The following PRH1 variants were observed in gnomAD, a reference collection of about 807,000 sequenced individuals.
The protein encoded by PRH1 is salivary acidic proline-rich phosphoprotein 1/2.
In PRH1, 7 loss-of-function variants were observed where a neutral mutation model predicts 7.9. The observed-to-expected ratio is 0.89, with a 90% CI of 0.50 to 1.67. The LOEUF is 1.67. Among genes scored for constraint, PRH1 ranks in the 40% most tolerant of loss-of-function variants. PRH1 has a pLI of 0.00. For synonymous variants in PRH1, 45 were observed against 80.8 expected (o/e 0.56, Z 2.38); for missense variants, 109 against 223.6 (o/e 0.49, Z 3.27).
intron 1 of PRH1, chr12:11,134,712 G>C (rs1468720938): frequency 6.3e-6 from 1 of 159,402 alleles, no homozygotes; most frequent in African/African-American, 2.4e-5. Flanking sequence ...AATCTTAAAG[G>C]GAGCTTGATC....
chr12:11,040,689 C>T (rs760427113), intron 1 of PRH1, among the ~76,000 whole-genome samples: 4 of 152,042 alleles, frequency 2.6e-5, no homozygotes, highest in African/African-American at 4.8e-5. Flanking sequence ...TGCACATGTA[C>T]CCCAGAACTT....
chr12:10,886,261 A>G (rs1378142287), upstream of PRH1, among the ~76,000 whole-genome samples: 1 of 152,196 alleles, frequency 6.6e-6, no homozygotes, highest in Non-Finnish European at 1.5e-5. Context: ...TCATGTCAAA[A>G]AGGAAGGTCA....
intron 1 of PRH1, among the ~76,000 whole-genome samples, chr12:11,011,730 C>G (rs2136043313): frequency 6.6e-6 from 1 of 152,110 alleles, no homozygotes; most frequent in South Asian, 2.1e-4. Flanking sequence ...TAAAAGACTC[C>G]AAGGTTTTCT....
intron 2 of PRH1, among the ~76,000 whole-genome samples, chr12:10,926,121 T>C (rs1427056800): frequency 6.6e-6 from 1 of 152,240 alleles, no homozygotes; most frequent in Non-Finnish European, 1.5e-5. Flanking sequence ...ATGATTACCA[T>C]GATAGTGAAA....
rs78616747 is a variant in PRH1 at position 10,905,187 on chromosome 12, G to A, written c.-58-20912C>T. On this transcript the variant is annotated intron_variant, in intron 2 of 3. Coordinates refer to the PRH1 transcript ENST00000539853. Reference sequence around the variant, plus strand: ...CATCCCATTACTCAGTATGGTGTATGCACGCCACACTTTTTTGGTCTAATC... The same window carrying A: ...CATCCCATTACTCAGTATGGTGTATACACGCCACACTTTTTTGGTCTAATC... Among the ~76,000 whole-genome samples, 113 of 151,360 alleles carry A rather than the reference G, an allele frequency of 7.5e-4. 1 individual carries two copies. The South Asian group carries it at 8.8e-3, about 12-fold the overall frequency.
At chr12:11,141,986 T>C (rs902763232) in intron 1 of PRH1, among the ~76,000 whole-genome samples, 4 of 151,678 alleles carry the variant, frequency 2.6e-5, no homozygotes, top group African/African-American at 9.7e-5. Flanking sequence ...AGACAAAGAG[T>C]CTCCCTATGT....
Position 11,063,384 on chromosome 12 carries a change from G to A in PRH1, n.124-16196C>T, listed in dbSNP as rs568996137. On this transcript the variant is annotated intron_variant and non_coding_transcript_variant, in intron 1 of 4. Transcript: ENST00000541977. ...GATTCTTCCTCTTTCCATTTACCAT[G>A]AGAATATCACCTGGCTAGTACACTG... Among the ~76,000 whole-genome samples, 4 of 152,124 alleles carry A rather than the reference G, an allele frequency of 2.6e-5. No homozygotes were observed. In the South Asian group the frequency reaches 8.3e-4, roughly 32 times the overall value.
At chr12:11,008,645 A>G (rs1202981087) in intron 1 of PRH1, among the ~76,000 whole-genome samples, 2 of 152,138 alleles carry the variant, frequency 1.3e-5, no homozygotes, top group Non-Finnish European at 2.9e-5. Context: ...GTTCTTATTC[A>G]TGGCTTCCTG....
chr12:11,022,720 C>T, intron 1 of PRH1: 1 of 619,154 alleles, frequency 1.6e-6, no homozygotes, highest in Non-Finnish European at 2.8e-6. Context: ...CAGGCAAGCA[C>T]CAGCATATGC....
chr12:10,910,886 T>C (rs1157109750), intron 2 of PRH1, among the ~76,000 whole-genome samples: 1 of 152,214 alleles, frequency 6.6e-6, no homozygotes, highest in Non-Finnish European at 1.5e-5. Context: ...CTTTATTGGG[T>C]GATCTACAGA....
chr12:11,041,527 T>C (rs887943506), intron 1 of PRH1, among the ~76,000 whole-genome samples: 2 of 152,152 alleles, frequency 1.3e-5, no homozygotes, highest in South Asian at 2.1e-4. Flanking sequence ...AATTCAATAA[T>C]AGATGGAGAC....
chr12:11,064,393 A>G (rs990945478), intron 1 of PRH1, among the ~76,000 whole-genome samples: 5 of 151,936 alleles, frequency 3.3e-5, no homozygotes, highest in Admixed American at 3.3e-4. Flanking sequence ...GTGTGGATTT[A>G]CTGTAATGAT....
chr12:11,159,862 G>C (rs1405213882), intron 1 of PRH1, among the ~76,000 whole-genome samples: 2 of 152,118 alleles, frequency 1.3e-5, no homozygotes, highest in African/African-American at 4.8e-5. Context: ...AAAATAGTTT[G>C]TTCTATTTAT....
At chr12:11,026,060 C>T (rs1343094078) in intron 1 of PRH1, among the ~76,000 whole-genome samples, 1 of 151,970 alleles carries the variant, frequency 6.6e-6, no homozygotes, top group Non-Finnish European at 1.5e-5. Context: ...TTCTGAGACA[C>T]AGTCTCCCTC....
At chr12:11,136,444 T>C (rs1166646176) in intron 1 of PRH1, among the ~76,000 whole-genome samples, 1 of 152,216 alleles carries the variant, frequency 6.6e-6, no homozygotes, top group African/African-American at 2.4e-5. Context: ...TTCTTTCATA[T>C]ATCATTTGAT....
At chr12:11,034,965 TCA>T (rs1346969444) in intron 1 of PRH1, 1 of 152,162 alleles carries the variant, frequency 6.6e-6, no homozygotes, top group Non-Finnish European at 1.5e-5. Flanking sequence ...TTTCTGTTTA[TCA>T]AGATCTATTC....
intron 1 of PRH1, among the ~76,000 whole-genome samples, chr12:11,130,298 T>A (rs949612582): frequency 2.0e-5 from 3 of 152,078 alleles, no homozygotes; most frequent in Non-Finnish European, 2.9e-5. Context: ...ACCGACAACA[T>A]AGGTGATGTT....
intron 1 of PRH1, chr12:11,171,247 C>T: frequency 1.4e-6 from 1 of 690,786 alleles, no homozygotes; most frequent in Admixed American, 4.3e-5. Flanking sequence ...GGGTGTGAGC[C>T]CGGGAGCCGC....
intron 2 of PRH1, among the ~76,000 whole-genome samples, chr12:10,897,505 G>T (rs1472004608): frequency 6.6e-6 from 1 of 152,178 alleles, no homozygotes; most frequent in East Asian, 1.9e-4. Flanking sequence ...ATCTTTAAGT[G>T]AATTAGTCTA....
Sources: allele counts gnomAD v4.1 joint callset (sites outside exome capture counted in the v4.1 genomes callset), GRCh38; gene constraint gnomAD v4.1.1; transcripts MANE v1.5; gene names NCBI Gene and HGNC (gene_info 2026-07-23, HGNC 2026-07-21).